DENND5A: variants seen among roughly 807,000 people sequenced by gnomAD.
DENND5A encodes DENN domain containing 5A.
DENND5A carries 64 observed loss-of-function variants against 140.3 expected under a neutral mutation model. That is an observed-to-expected ratio of 0.46 (90% CI 0.37 to 0.56). DENND5A has a LOEUF of 0.56. Among genes scored for constraint, DENND5A ranks in the 20% least tolerant of loss-of-function variants. DENND5A has a pLI of 0.00. For synonymous variants in DENND5A, 605 were observed against 607.7 expected (o/e 1.00, Z 0.07); for missense variants, 1,292 against 1,593.8 (o/e 0.81, Z 3.22).
chr11:9,249,009 C>T (rs1851598148), intron 1 of DENND5A, among the ~76,000 whole-genome samples: 3 of 152,012 alleles, frequency 2.0e-5, no homozygotes, highest in Admixed American at 1.3e-4. Context: ...GGGCGGATCA[C>T]GAGGTCAGGA....
chr11:9,144,357 C>CT, intron 18 of DENND5A, 79 bp from the exon 19 acceptor site: 3 of 1,422,166 alleles, frequency 2.1e-6, no homozygotes, highest in Non-Finnish European at 2.9e-6. Context: ...CAAAGCCAAT[C>CT]CCTGGAGATA....
At chr11:9,216,650 G>A (rs1341646654) in intron 1 of DENND5A, among the ~76,000 whole-genome samples, 1 of 152,190 alleles carries the variant, frequency 6.6e-6, no homozygotes, top group African/African-American at 2.4e-5. Flanking sequence ...GGGGACTGTG[G>A]CTCATGCCTG....
intron 1 of DENND5A, among the ~76,000 whole-genome samples, chr11:9,221,024 G>A (rs1176050514): frequency 6.6e-6 from 1 of 151,516 alleles, no homozygotes; most frequent in East Asian, 1.9e-4. Context: ...AGAGGTTGCC[G>A]TGAGCCGAGA....
At chr11:9,255,583 T>C (rs191431003) in intron 1 of DENND5A, among the ~76,000 whole-genome samples, 5 of 146,680 alleles carry the variant, frequency 3.4e-5, no homozygotes, top group East Asian at 2.0e-4. Context: ...AATACAAAAA[T>C]TGACTGGCGC....
chr11:9,233,607 T>C (rs1262469860), intron 1 of DENND5A, among the ~76,000 whole-genome samples: 1 of 152,012 alleles, frequency 6.6e-6, no homozygotes, highest in Non-Finnish European at 1.5e-5. Context: ...AATACCATGA[T>C]AGGTATCCCT....
chr11:9,210,688 G>A (rs1444829556), intron 1 of DENND5A, among the ~76,000 whole-genome samples: 2 of 152,022 alleles, frequency 1.3e-5, no homozygotes, highest in South Asian at 2.1e-4. Context: ...GGACCACCAC[G>A]CCCAGCTAAT....
At chr11:9,234,116 T>A (rs1850894969) in intron 1 of DENND5A, among the ~76,000 whole-genome samples, 1 of 150,746 alleles carries the variant, frequency 6.6e-6, no homozygotes, top group South Asian at 2.1e-4. Context: ...AGGCGGAGGC[T>A]GCACTGAGCC....
chr11:9,198,596 C>G (rs1361413344), intron 4 of DENND5A, among the ~76,000 whole-genome samples: 1 of 148,604 alleles, frequency 6.7e-6, no homozygotes, highest in Admixed American at 6.7e-5. Context: ...GGCAACAGAG[C>G]AAGACTCCAC....
chr11:9,236,352 C>T (rs1045497087), intron 1 of DENND5A, among the ~76,000 whole-genome samples: 49 of 151,710 alleles, frequency 3.2e-4, no homozygotes, highest in African/African-American at 1.2e-3. Context: ...GCCAATATGG[C>T]GAAACCCTGT....
chr11:9,204,479 CA>C (rs1317160607), intron 3 of DENND5A, among the ~76,000 whole-genome samples, 162 bp from the exon 4 acceptor site: 1 of 152,148 alleles, frequency 6.6e-6, no homozygotes, highest in Non-Finnish European at 1.5e-5. Flanking sequence ...TAAATAAAAT[CA>C]TAATGCAGTC....
Position 9,192,628 on chromosome 11 carries a change from AAAAAAAAAAC to A in DENND5A, c.1137+856_1137+865del, listed in dbSNP as rs1409472541. On this transcript the variant is annotated intron_variant, in intron 5 of 22. Coordinates refer to ENST00000328194, the MANE Select transcript of DENND5A (RefSeq NM_015213.4). ...GGGTGACAGTGCGAGACTTCGTCTC[AAAAAAAAAAC>A]AAAAAAAAACAAAAAAAAAACTCTA... is the stretch of plus-strand genomic sequence containing the variant. Among the ~76,000 whole-genome samples the A allele has an allele frequency of 4.9e-4, 64 of 130,976 alleles. 1 individual carries two copies. The East Asian group carries it at 6.6e-3, about 13-fold the overall frequency. The allele number at this position is 130,976 out of a possible 152,430, so 85.9% of individuals were successfully genotyped here.
chr11:9,238,542 G>A (rs974901822), intron 1 of DENND5A, among the ~76,000 whole-genome samples: 7 of 151,356 alleles, frequency 4.6e-5, no homozygotes, highest in African/African-American at 1.5e-4. Context: ...TCAGCTTCCC[G>A]AGTAGCTGGG....
chr11:9,197,199 G>T (rs142358729), intron 4 of DENND5A, among the ~76,000 whole-genome samples: 1,815 of 151,504 alleles, frequency 0.012, 35 homozygotes, highest in African/African-American at 0.041. Flanking sequence ...CAGCTACTAG[G>T]GAGGCTGAGG....
chr11:9,224,728 C>T (rs146864320), intron 1 of DENND5A, among the ~76,000 whole-genome samples: 12 of 151,970 alleles, frequency 7.9e-5, no homozygotes, highest in South Asian at 2.1e-4. Flanking sequence ...CGTGGTGGCG[C>T]GCGCCTGTAA....
In DENND5A at chr11:9,218,273, A is replaced by C. The variant is rs117135127; in HGVS notation, c.110-10641T>G. ...GACCCCGTCTCAAAAAAATAAACAAAAAAAAAACAAGCTTGTGGAAATTAA... is the reference window on the plus strand; with the variant it reads ...GACCCCGTCTCAAAAAAATAAACAACAAAAAAACAAGCTTGTGGAAATTAA... On this transcript the variant is annotated intron_variant, in intron 1 of 22. Coordinates refer to ENST00000328194, the MANE Select transcript of DENND5A (RefSeq NM_015213.4). Among the ~76,000 whole-genome samples, 101 of 152,216 alleles carry C rather than the reference A, an allele frequency of 6.6e-4. 1 individual carries two copies. The East Asian group carries it at 0.012, about 18-fold the overall frequency.
At chr11:9,164,523 T>G (rs1848120810) in intron 11 of DENND5A, among the ~76,000 whole-genome samples, 1 of 152,134 alleles carries the variant, frequency 6.6e-6, no homozygotes, top group Non-Finnish European at 1.5e-5. Context: ...TTAGTTGAAA[T>G]GCCCTAAAAT....
At chr11:9,224,364 A>G (rs1024477747) in intron 1 of DENND5A, among the ~76,000 whole-genome samples, 1 of 152,180 alleles carries the variant, frequency 6.6e-6, no homozygotes, top group African/African-American at 2.4e-5. Flanking sequence ...CTCCATCTGC[A>G]TATAAGGCAC....
At chr11:9,190,321 C>T (rs979400735) in intron 5 of DENND5A, among the ~76,000 whole-genome samples, 25 of 152,108 alleles carry the variant, frequency 1.6e-4, no homozygotes, top group South Asian at 2.1e-4. Context: ...CAGAGTGATA[C>T]GGTTTGGCTG....
In DENND5A at chr11:9,150,726, T is replaced by C; in HGVS notation, c.2560A>G (p.Ser854Gly). 1 of 1,613,804 alleles carries C rather than the reference T, an allele frequency of 6.2e-7. No individual in the cohort carries two copies. The highest frequency in any genetic ancestry group is 8.5e-7 in the Non-Finnish European group (1 of 1,179,790). The change falls in exon 14 of 23, where the codon AGC (serine) becomes GGC (glycine). Residue 854 changes from serine (S) to glycine (G), a missense_variant. Transcript: ENST00000328194. ...ATCCTCAGGGGAGGCATGAGTGAGC[T>C]GGCATCAGACTTCCTACGTTCTGAA... is the stretch of plus-strand genomic sequence containing the variant. ...LDSERRKSDA[S>G]SLMPPLRISL...
Sources: allele counts gnomAD v4.1 joint callset (sites outside exome capture counted in the v4.1 genomes callset), GRCh38; gene constraint gnomAD v4.1.1; transcripts MANE v1.5; gene names NCBI Gene and HGNC (gene_info 2026-07-23, HGNC 2026-07-21).